Variants in WDR54 observed in about 807,000 individuals in gnomAD.
WDR54 encodes WD repeat domain 54.
In WDR54, 44 loss-of-function variants were observed where a neutral mutation model predicts 44.1. That is an observed-to-expected ratio of 1.00 (90% CI 0.78 to 1.28). WDR54 has a LOEUF of 1.28. WDR54 is among the 50% of genes most tolerant of loss of function. The pLI is 0.00. For synonymous variants in WDR54, 169 were observed against 169.8 expected (o/e 1.00, Z 0.04); for missense variants, 409 against 429.7 (o/e 0.95, Z 0.43).
Position 74,422,192 on chromosome 2 carries a change from G to T in WDR54, c.39G>T (p.Ser13=), listed in dbSNP as rs1262393089. 7 of 1,613,616 alleles carry T rather than the reference G, an allele frequency of 4.3e-6. No homozygotes were observed. Among genetic ancestry groups the T allele is most frequent in the East Asian group, 4.5e-5 (2 of 44,894 alleles). Residue 13 remains serine (S), a synonymous_variant, in exon 2 of 10, where the codon TCG becomes TCT. Transcript: ENST00000348227. The part of the protein sequence containing the change: ...RWERSIPLRG[S]AAALCNNLSV... ...AGCGCTCCATTCCCCTGCGAGGCTC[G>T]GCCGCCGCCCTGTGCAACAACCTCA...
At chr2:74,422,644 T>G in intron 2 of WDR54, 1 of 608,532 alleles carries the variant, frequency 1.6e-6, no homozygotes, top group East Asian at 2.8e-5. Flanking sequence ...ACAAAAAAAA[T>G]TAACCGGGTG....
intron 1 of WDR54, 137 bp from the exon 2 acceptor site, chr2:74,422,016 C>T: frequency 1.2e-6 from 1 of 857,234 alleles, no homozygotes; most frequent in Non-Finnish European, 1.9e-6. Context: ...GACCCTCCCC[C>T]ATCACCGTCC....
chr2:74,422,480 A>C, intron 2 of WDR54, 105 bp downstream of exon 2: 1 of 1,308,930 alleles, frequency 7.6e-7, no homozygotes, highest in Non-Finnish European at 1.0e-6. Context: ...GAATCTCCCC[A>C]GGCATGTCCT....
Position 74,422,313 on chromosome 2 carries a change from T to C in WDR54, c.160T>C (p.Leu54=). ...LLSAAPEGVP[L]AQRQLHAKEG... is the part of the protein sequence containing the mutation. ...CAGCGCTGCTCCTGAGGGTGTGCCCTTGGCCCAGCGCCAGCTCCACGCTAA... is the reference window on the plus strand; with the variant it reads ...CAGCGCTGCTCCTGAGGGTGTGCCCCTGGCCCAGCGCCAGCTCCACGCTAA... Residue 54 remains leucine, a synonymous_variant, in exon 2 of 10, where the codon TTG becomes CTG. Transcript: ENST00000348227. 1 of 1,614,192 alleles carries C rather than the reference T, an allele frequency of 6.2e-7. No homozygotes were observed. The highest frequency in any genetic ancestry group is 8.5e-7 in the Non-Finnish European group (1 of 1,180,030).
rs1243854910 is a variant in WDR54, at chr2:74,422,321, G to A, written c.168G>A (p.Gln56=). 3 of 1,614,200 alleles carry A rather than the reference G, an allele frequency of 1.9e-6. No individual in the cohort carries two copies. Among genetic ancestry groups the A allele is most frequent in the Non-Finnish European group, 2.5e-6 (3 of 1,180,038 alleles). Residue 56 remains glutamine, a synonymous_variant, in exon 2 of 10, where the codon CAG becomes CAA. Transcript: ENST00000348227. The stretch of plus-strand genomic sequence containing the variant: ...CTCCTGAGGGTGTGCCCTTGGCCCA[G>A]CGCCAGCTCCACGCTAAGGAGGGTG... ...SAAPEGVPLA[Q]RQLHAKEGAG... is the part of the protein sequence containing the mutation.
intron 5 of WDR54, 112 bp from the exon 6 acceptor site, chr2:74,423,743 T>A (rs1670226810): frequency 6.6e-7 from 1 of 1,518,190 alleles, no homozygotes; most frequent in East Asian, 2.3e-5. Flanking sequence ...GTTGGAGCAG[T>A]GAGAGGGGGT....
intron 2 of WDR54, 121 bp from the exon 3 acceptor site, chr2:74,422,749 C>A: frequency 2.2e-6 from 2 of 916,678 alleles, no homozygotes; most frequent in African/African-American, 3.4e-5. Flanking sequence ...GCCGAGATGG[C>A]GCCACTGCAC....
rs1670191238 is a variant in WDR54, at chr2:74,423,038, G to A, written c.285+106G>A. On this transcript the variant is annotated intron_variant, in intron 3 of 9. Transcript: ENST00000348227. ...CTAAACACTTCCAGACTTTTCACAT[G>A]CTTGGCCCACTCACTCTTTTTCTAT... 4 of 1,175,978 alleles carry A rather than the reference G, an allele frequency of 3.4e-6. No homozygotes were observed. The South Asian group carries it at 3.8e-5, about 11-fold the overall frequency. The allele number at this position is 1,175,978 out of a possible 1,614,324, so 72.8% of individuals were successfully genotyped here.
intron 6 of WDR54, 62 bp downstream of exon 6, chr2:74,424,044 C>T: frequency 6.2e-7 from 1 of 1,602,944 alleles, no homozygotes; most frequent in Non-Finnish European, 8.5e-7. Context: ...GGGGACCTGG[C>T]TTTGAGTCTT....
chr2:74,424,275 C>T (rs1199156790), intron 6 of WDR54, among the ~76,000 whole-genome samples: 1 of 152,188 alleles, frequency 6.6e-6, no homozygotes, highest in Non-Finnish European at 1.5e-5. Context: ...TAGGGCAAGT[C>T]CCACCTATTC....
At chr2:74,424,204 G>A (rs1279153732) in intron 6 of WDR54, among the ~76,000 whole-genome samples, 3 of 152,210 alleles carry the variant, frequency 2.0e-5, no homozygotes, top group East Asian at 1.9e-4. Flanking sequence ...TGTGAAATGA[G>A]GAGTTGGAAC....
chr2:74,423,962 A>C lies in WDR54; in HGVS notation c.514A>C (p.Thr172Pro), dbSNP rs1573224565. The C allele has an allele frequency of 6.2e-7, 1 of 1,614,102 alleles. No homozygotes were observed. The highest frequency in any genetic ancestry group is 1.3e-5 in the African/African-American group (1 of 75,024). Residue 172 changes from threonine (T) to proline (P), a missense_variant, in exon 6 of 10, where the codon ACC (threonine) becomes CCC (proline). Transcript: ENST00000348227. ...CCAGATGCCAATCACAGACATTGCC[A>C]CCGAGCCTGCCCAGGGACAGGTGAG... Reference protein sequence around the residue: ...GHQMPITDIATEPAQGQDCVA... With the variant: ...GHQMPITDIAPEPAQGQDCVA...
intron 3 of WDR54, 68 bp from the exon 4 acceptor site, chr2:74,423,251 C>G: frequency 1.3e-6 from 2 of 1,548,182 alleles, no homozygotes; most frequent in Admixed American, 1.7e-5. Flanking sequence ...AAGGCTAACA[C>G]GGATATGTGA....
rs1310224341 is a variant in WDR54 at position 74,422,309 on chromosome 2, G to C, written c.156G>C (p.Val52=). The C allele has an allele frequency of 6.2e-7, 1 of 1,614,214 alleles. No homozygotes were observed. The highest frequency in any genetic ancestry group is 1.7e-5 in the Admixed American group (1 of 60,030). The change falls in exon 2 of 10, where the codon GTG becomes GTC. Residue 52 remains valine (V), a synonymous_variant. Transcript: ENST00000348227. ...TTCTCAGCGCTGCTCCTGAGGGTGT[G>C]CCCTTGGCCCAGCGCCAGCTCCACG... The part of the protein sequence containing the change: ...AQLLSAAPEG[V]PLAQRQLHAK...
chr2:74,422,967 G>C (rs746966876), intron 3 of WDR54, 35 bp downstream of exon 3: 1 of 1,608,038 alleles, frequency 6.2e-7, no homozygotes, highest in Admixed American at 1.7e-5. Flanking sequence ...CCCCACCAGA[G>C]CCTTCTCAGC....
rs1048538821 is a variant in WDR54 at position 74,421,801 on chromosome 2, C to G, written c.-17C>G. ...CCTACGAACCAGGAGTCAGGCGAGC[C>G]GATCTGGGGCTGCAGGTGTTACCTC... On this transcript the variant is annotated 5_prime_UTR_variant, in exon 1 of 10. Transcript: ENST00000348227. 3 of 673,888 alleles carry G rather than the reference C, an allele frequency of 4.5e-6. No individual in the cohort carries two copies. Among genetic ancestry groups the G allele is most frequent in the Non-Finnish European group, 8.2e-6 (3 of 366,700 alleles). The allele number at this position is 673,888 out of a possible 1,614,324, so 41.7% of individuals were successfully genotyped here.
At chr2:74,423,762 T>C in intron 5 of WDR54, 93 bp from the exon 6 acceptor site, 1 of 1,561,532 alleles carries the variant, frequency 6.4e-7, no homozygotes, top group African/African-American at 1.4e-5. Flanking sequence ...GTTTTGTTAC[T>C]AAGGTTTCTG....
chr2:74,423,312 C>A lies in WDR54; in HGVS notation c.286-7C>A. 2 of 1,613,316 alleles carry A rather than the reference C, an allele frequency of 1.2e-6. No homozygotes were observed. The highest frequency in any genetic ancestry group is 1.7e-6 in the Non-Finnish European group (2 of 1,180,032). ...TATGCCCCCTGGTTCTTGCCCCGGT[C>A]TTCCAGATGTACGAGTCCAATGGCT... is the stretch of plus-strand genomic sequence containing the variant. On this transcript the variant is annotated splice_region_variant and splice_polypyrimidine_tract_variant and intron_variant, in intron 3 of 9. Coordinates refer to ENST00000348227, the MANE Select transcript of WDR54 (RefSeq NM_032118.4).
At position 74,423,027 on chromosome 2, in the gene WDR54, A is replaced by G. The variant is rs968023882; in HGVS notation, c.285+95A>G. 7 of 1,265,226 alleles carry G rather than the reference A, an allele frequency of 5.5e-6. No homozygotes were observed. The African/African-American group carries it at 8.9e-5, about 16-fold the overall frequency. The allele number at this position is 1,265,226 out of a possible 1,614,324, so 78.4% of individuals were successfully genotyped here. A position where few individuals can be genotyped will look rare whatever the true frequency, so the allele number is the denominator to read the frequency against. On this transcript the variant is annotated intron_variant, in intron 3 of 9. Coordinates refer to ENST00000348227, the MANE Select transcript of WDR54 (RefSeq NM_032118.4). ...CCCACTTGCCTCTAAACACTTCCAG[A>G]CTTTTCACATGCTTGGCCCACTCAC...
Sources: gnomAD v4.1 joint callset for allele counts (sites outside exome capture counted in the v4.1 genomes callset) on GRCh38, gnomAD v4.1.1 for gene constraint, MANE v1.5 for transcripts, NCBI Gene and HGNC (gene_info 2026-07-23, HGNC 2026-07-21) for gene names.